Variants in KHDRBS2 observed in about 807,000 individuals in gnomAD.
The protein encoded by KHDRBS2 is KH RNA binding domain containing, signal transduction associated 2.
A neutral mutation model predicts 44.3 loss-of-function variants in KHDRBS2; 26 were observed. The observed-to-expected ratio is 0.59, with a 90% confidence interval of 0.43 to 0.81. KHDRBS2 has a LOEUF of 0.81. Among genes scored for constraint, KHDRBS2 ranks in the 40% least tolerant of loss-of-function variants. The probability of loss-of-function intolerance (pLI) is 0.00; values close to 1 mark genes in which losing one functional copy is unlikely to be tolerated. For synonymous variants in KHDRBS2, 194 were observed against 151.1 expected (o/e 1.28, Z -2.08); for missense variants, 476 against 433.1 (o/e 1.10, Z -0.88).
the KHDRBS2 span, among the ~76,000 whole-genome samples, chr6:61,557,953 A>G: frequency 1.3e-5 from 2 of 152,002 alleles, no homozygotes; most frequent in East Asian, 1.9e-4. Flanking sequence ...ATCTCTAATG[A>G]TCCTTTGACG....
At chr6:61,836,089 G>C (rs1384907154) in intron 6 of KHDRBS2, among the ~76,000 whole-genome samples, 1 of 151,894 alleles carries the variant, frequency 6.6e-6, no homozygotes, top group Non-Finnish European at 1.5e-5. Flanking sequence ...GACTTAGGAG[G>C]AGTAGAGCTG....
chr6:61,663,000 T>C, the KHDRBS2 span, among the ~76,000 whole-genome samples: 4 of 151,752 alleles, frequency 2.6e-5, no homozygotes, highest in South Asian at 4.2e-4. Flanking sequence ...GGAACCAACC[T>C]AAATGTCCAA....
the KHDRBS2 span, among the ~76,000 whole-genome samples, chr6:61,559,446 A>T: frequency 6.6e-6 from 1 of 151,782 alleles, no homozygotes; most frequent in East Asian, 1.9e-4. Context: ...TAGGACCTAC[A>T]CCTACAATTT....
chr6:62,199,290 G>A (rs1486282036), intron 1 of KHDRBS2, among the ~76,000 whole-genome samples: 1 of 152,134 alleles, frequency 6.6e-6, no homozygotes, highest in Non-Finnish European at 1.5e-5. Flanking sequence ...AAAAAAGGAA[G>A]TCAAATTGTC....
At position 62,273,950 on chromosome 6, in the gene KHDRBS2, A is replaced by AT. The variant is rs551597368; in HGVS notation, c.91+11907dup. On this transcript the variant is annotated intron_variant, in intron 1 of 8. Transcript: ENST00000281156. Reference sequence around the variant, plus strand: ...TTTTACTTGAATTCTTTTATTTTTTATTTTTTTGAAATGGAGTCTCTGTCA... The same window carrying AT: ...TTTTACTTGAATTCTTTTATTTTTTATTTTTTTTGAAATGGAGTCTCTGTCA... Among the ~76,000 whole-genome samples the AT allele has an allele frequency of 1.6e-3, 239 of 151,628 alleles. 1 individual carries two copies. The highest frequency in any genetic ancestry group is 5.5e-3 in the African/African-American group (227 of 41,326).
chr6:62,047,840 T>C lies in KHDRBS2; in HGVS notation c.336+38A>G, dbSNP rs1199001463. The C allele has an allele frequency of 6.0e-6, 8 of 1,330,264 alleles. No homozygotes were observed. In the Admixed American group the frequency reaches 1.2e-4, roughly 20 times the overall value. 82.4% of individuals were successfully genotyped at this position (1,330,264 alleles called of 1,614,324 possible). A position where few individuals can be genotyped will look rare whatever the true frequency, so the allele number is the denominator to read the frequency against. ...TTGGCCTTCAGTGTTATAGGTAACC[T>C]CCTGAATGTGGTAAATATTAGATTC... On this transcript the variant is annotated intron_variant, in intron 3 of 8. Transcript: ENST00000281156.
the KHDRBS2 span, among the ~76,000 whole-genome samples, chr6:61,569,268 T>A: frequency 2.0e-5 from 3 of 152,130 alleles, no homozygotes; most frequent in Non-Finnish European, 4.4e-5. Context: ...GCCCAGACCC[T>A]CCTAATCTTG....
At chr6:61,652,251 C>T in the KHDRBS2 span, 2 of 151,930 alleles carry the variant, frequency 1.3e-5, no homozygotes, top group Non-Finnish European at 2.9e-5. Context: ...TTTATGATAC[C>T]TACTTCTGTT....
chr6:62,278,809 A>G (rs1841371517), intron 1 of KHDRBS2, among the ~76,000 whole-genome samples: 1 of 151,974 alleles, frequency 6.6e-6, no homozygotes, highest in South Asian at 2.1e-4. Flanking sequence ...TTAAAGGCAG[A>G]CACGGCCAGG....
chr6:61,825,235 G>T lies in KHDRBS2; in HGVS notation c.810+69400C>A, dbSNP rs181192422. 1.5e-3 allele frequency among the ~76,000 whole-genome samples: 226 copies of T among 152,180 alleles called. 1 individual carries two copies. Among genetic ancestry groups the T allele is most frequent in the Middle Eastern group, 3.4e-3 (1 of 294 alleles). ...GCCTTTAAAAATTATGTTTTTCAAA[G>T]AATTGTCATCTGACAAAGTGCACAT... On this transcript the variant is annotated intron_variant, in intron 6 of 8. Coordinates refer to ENST00000281156, the MANE Select transcript of KHDRBS2 (RefSeq NM_152688.4).
intron 2 of KHDRBS2, among the ~76,000 whole-genome samples, chr6:62,105,973 T>C (rs1803160012): frequency 6.6e-6 from 1 of 152,198 alleles, no homozygotes; most frequent in South Asian, 2.1e-4. Flanking sequence ...TTCTGGTATG[T>C]TGTGTCTTTG....
chr6:61,604,479 G>T, the KHDRBS2 span, among the ~76,000 whole-genome samples: 3 of 152,156 alleles, frequency 2.0e-5, no homozygotes, highest in Admixed American at 6.5e-5. Context: ...TTGGACCAAA[G>T]AAAATATCTC....
intron 6 of KHDRBS2, among the ~76,000 whole-genome samples, chr6:61,770,580 G>A (rs1582724090): frequency 6.6e-6 from 1 of 152,278 alleles, no homozygotes; most frequent in East Asian, 1.9e-4. Context: ...GGAAGAAAGG[G>A]TATCAGTGAT....
chr6:62,092,563 T>C (rs1799686125), intron 2 of KHDRBS2, among the ~76,000 whole-genome samples: 1 of 152,202 alleles, frequency 6.6e-6, no homozygotes, highest in South Asian at 2.1e-4. Context: ...ATATTTCATG[T>C]TAATCATAAT....
At chr6:61,977,123 A>T (rs1284971514) in intron 4 of KHDRBS2, among the ~76,000 whole-genome samples, 1 of 152,138 alleles carries the variant, frequency 6.6e-6, no homozygotes, top group Non-Finnish European at 1.5e-5. Flanking sequence ...CATTCTTAAA[A>T]TCACTGCCAA....
At chr6:61,572,542 C>A in the KHDRBS2 span, among the ~76,000 whole-genome samples, 1 of 151,924 alleles carries the variant, frequency 6.6e-6, no homozygotes, top group Non-Finnish European at 1.5e-5. Flanking sequence ...TATCAATATC[C>A]CTGATGAATA....
At chr6:62,276,501 A>T (rs1000226001) in intron 1 of KHDRBS2, among the ~76,000 whole-genome samples, 2 of 152,164 alleles carry the variant, frequency 1.3e-5, no homozygotes, top group African/African-American at 4.8e-5. Flanking sequence ...TTGGGTCCAA[A>T]GAAGTCTGAA....
At chr6:62,278,211 A>ATAT (rs1463210802) in intron 1 of KHDRBS2, among the ~76,000 whole-genome samples, 1 of 152,240 alleles carries the variant, frequency 6.6e-6, no homozygotes, top group Non-Finnish European at 1.5e-5. Context: ...CTCATAATAT[A>ATAT]GCCAAACCAA....
chr6:61,730,586 G>A (rs117360567), intron 7 of KHDRBS2, among the ~76,000 whole-genome samples: 1 of 152,108 alleles, frequency 6.6e-6, no homozygotes. Context: ...TGGTGCTATT[G>A]GAATTCAGGG....
Sources: gnomAD v4.1 joint callset for allele counts (sites outside exome capture counted in the v4.1 genomes callset) on GRCh38, gnomAD v4.1.1 for gene constraint, MANE v1.5 for transcripts, NCBI Gene and HGNC (gene_info 2026-07-23, HGNC 2026-07-21) for gene names.